Variants in TMEM245 observed in about 807,000 individuals in gnomAD.
The protein encoded by TMEM245 is transmembrane protein 245.
In TMEM245, 69 loss-of-function variants were observed where a neutral mutation model predicts 101.2. That is an observed-to-expected ratio of 0.68 (90% confidence interval 0.56 to 0.83). TMEM245 has a LOEUF of 0.83. Ranked by LOEUF, TMEM245 falls within the 40% of genes least tolerant of loss-of-function variation. The probability of loss-of-function intolerance (pLI) is 0.00; values close to 1 mark genes in which losing one functional copy is unlikely to be tolerated. For missense variants in TMEM245, 1,075 were observed against 1,092.8 expected (o/e 0.98, Z 0.23); for synonymous variants, 537 against 449.8 (o/e 1.19, Z -2.45).
chr9:109,036,124 G>T, intron 16 of TMEM245, 82 bp downstream of exon 16: 2 of 1,239,816 alleles, frequency 1.6e-6, no homozygotes, highest in Non-Finnish European at 2.1e-6. Flanking sequence ...TATACCCCCA[G>T]GAGAAAAAAA....
At chr9:109,034,690 C>T (rs931553406) in intron 16 of TMEM245, among the ~76,000 whole-genome samples, 4 of 152,126 alleles carry the variant, frequency 2.6e-5, no homozygotes, top group Admixed American at 6.5e-5. Context: ...AAGTGATCCA[C>T]CCACCTCGGC....
chr9:109,047,222 T>A (rs915874571), intron 14 of TMEM245, among the ~76,000 whole-genome samples: 1 of 152,194 alleles, frequency 6.6e-6, no homozygotes, highest in Non-Finnish European at 1.5e-5. Flanking sequence ...ATAAAACAAA[T>A]GGTTTTTAAA....
chr9:109,109,479 A>G (rs1332991119), intron 1 of TMEM245, among the ~76,000 whole-genome samples: 1 of 152,008 alleles, frequency 6.6e-6, no homozygotes, highest in Non-Finnish European at 1.5e-5. Flanking sequence ...TTCGAGCTAT[A>G]TAATTCAGAG....
chr9:109,056,951 A>C (rs1286374467), intron 12 of TMEM245, among the ~76,000 whole-genome samples: 1 of 152,194 alleles, frequency 6.6e-6, no homozygotes, highest in Non-Finnish European at 1.5e-5. Flanking sequence ...CCAGTAGTCC[A>C]GCTGGAGACA....
At position 109,057,329 on chromosome 9, in the gene TMEM245, A is replaced by G. The variant is rs1200931795; in HGVS notation, c.1723-7T>C. The G allele has an allele frequency of 1.2e-6, 2 of 1,611,882 alleles. No individual in the cohort carries two copies. Among genetic ancestry groups the G allele is most frequent in the Non-Finnish European group, 1.7e-6 (2 of 1,179,024 alleles). On this transcript the variant is annotated splice_polypyrimidine_tract_variant and splice_region_variant and intron_variant, in intron 11 of 17. Transcript: ENST00000374586. Reference sequence around the variant, plus strand: ...TTCCAGAGTGTGTTACATTCTATGGAATAAAACAGTGCAGACATGAAATTC... The same window carrying G: ...TTCCAGAGTGTGTTACATTCTATGGGATAAAACAGTGCAGACATGAAATTC...
At chr9:109,092,327 A>C (rs200755341) in intron 4 of TMEM245, among the ~76,000 whole-genome samples, 1 of 362 alleles carries the variant, frequency 2.8e-3, no homozygotes, top group Non-Finnish European at 4.0e-3. Context: ...TAATTTCCTT[A>C]AGTGTTTTTA....
chr9:109,086,261 A>T (rs1393262409), intron 6 of TMEM245, among the ~76,000 whole-genome samples: 1 of 152,254 alleles, frequency 6.6e-6, no homozygotes, highest in Admixed American at 6.5e-5. Context: ...GGAATCCAAC[A>T]ATTAAAAATA....
In TMEM245 at chr9:109,020,443, C is replaced by A. The variant is rs774889802; in HGVS notation, c.*17G>T. ...AAATTTGAACTTCCTAGAAAAATCA[C>A]TGCAGAGGAAACCACATCAACCTAC... is the stretch of plus-strand genomic sequence containing the variant. On this transcript the variant is annotated 3_prime_UTR_variant, in exon 18 of 18. Coordinates refer to ENST00000374586, the MANE Select transcript of TMEM245 (RefSeq NM_032012.4). 6.2e-7 allele frequency: 1 copy of A among 1,613,574 alleles called. No homozygotes were observed. The highest frequency in any genetic ancestry group is 2.2e-5 in the East Asian group (1 of 44,874).
intron 12 of TMEM245, among the ~76,000 whole-genome samples, chr9:109,051,197 G>A (rs990588522): frequency 7.3e-5 from 11 of 151,574 alleles, no homozygotes; most frequent in African/African-American, 2.7e-4. Context: ...GAGGCTGAGG[G>A]AGGAGAATCG....
chr9:109,086,559 A>G (rs1250464943), intron 6 of TMEM245, among the ~76,000 whole-genome samples: 3 of 152,160 alleles, frequency 2.0e-5, no homozygotes, highest in South Asian at 4.1e-4. Flanking sequence ...TTTTACATAT[A>G]TTACCTCATT....
chr9:109,023,522 A>G (rs1236347755), intron 17 of TMEM245, among the ~76,000 whole-genome samples: 1 of 152,182 alleles, frequency 6.6e-6, no homozygotes, highest in Non-Finnish European at 1.5e-5. Flanking sequence ...GAATCACAGT[A>G]TAGAATTTCT....
intron 8 of TMEM245, among the ~76,000 whole-genome samples, chr9:109,077,704 AATCT>A (rs1829552054): frequency 6.6e-6 from 1 of 152,196 alleles, no homozygotes; most frequent in Non-Finnish European, 1.5e-5. Context: ...TCTTTTTGAC[AATCT>A]ATTTTGTCTA....
At chr9:109,093,644 G>A in intron 3 of TMEM245, 53 bp from the exon 4 acceptor site, 1 of 1,436,784 alleles carries the variant, frequency 7.0e-7, no homozygotes. Context: ...AATAATGGCT[G>A]CAAATTTAAA....
chr9:109,085,961 T>C, intron 7 of TMEM245, 36 bp downstream of exon 7: 1 of 1,610,196 alleles, frequency 6.2e-7, no homozygotes, highest in Non-Finnish European at 8.5e-7. Flanking sequence ...ATTACGGAAT[T>C]CAATAGTAAA....
At chr9:109,031,327 A>T (rs662963) in intron 17 of TMEM245, among the ~76,000 whole-genome samples, 141,953 of 152,266 alleles carry the variant, frequency 0.93, 66,258 homozygotes, top group East Asian at 1. Flanking sequence ...TCTTGAATTA[A>T]AACAGACATA....
intron 7 of TMEM245, among the ~76,000 whole-genome samples, chr9:109,085,302 C>T (rs559575695): frequency 5.3e-5 from 8 of 152,236 alleles, no homozygotes; most frequent in South Asian, 2.1e-4. Context: ...TTAAACATTA[C>T]GATATGTGGA....
chr9:109,071,346 T>C (rs1398732585), intron 9 of TMEM245, among the ~76,000 whole-genome samples: 1 of 151,008 alleles, frequency 6.6e-6, no homozygotes. Flanking sequence ...CAGTGGCTCA[T>C]GCCTGTAATC....
At chr9:109,067,225 T>C (rs955206084) in intron 9 of TMEM245, among the ~76,000 whole-genome samples, 17 of 152,148 alleles carry the variant, frequency 1.1e-4, no homozygotes, top group African/African-American at 3.6e-4. Flanking sequence ...AGGAGCTGTT[T>C]TGGGGACAAG....
chr9:109,084,466 T>C (rs1829776757), intron 7 of TMEM245, among the ~76,000 whole-genome samples: 1 of 152,206 alleles, frequency 6.6e-6, no homozygotes, highest in Non-Finnish European at 1.5e-5. Context: ...ATAAATTAGG[T>C]AATCTAGCTC....
Sources: gnomAD v4.1 joint callset for allele counts (sites outside exome capture counted in the v4.1 genomes callset) on GRCh38, gnomAD v4.1.1 for gene constraint, MANE v1.5 for transcripts, NCBI Gene and HGNC (gene_info 2026-07-23, HGNC 2026-07-21) for gene names.